HAUS2: variants seen among roughly 807,000 people sequenced by gnomAD.
The protein encoded by HAUS2 is HAUS augmin like complex subunit 2.
HAUS2 carries 20 observed loss-of-function variants against 21.6 expected under a neutral mutation model. That is an observed-to-expected ratio of 0.93 (90% confidence interval 0.65 to 1.35). HAUS2 has a LOEUF of 1.35. Among genes scored for constraint, HAUS2 ranks in the 40% most tolerant of loss-of-function variants. The pLI is 0.00. For synonymous variants in HAUS2, 113 were observed against 95.6 expected, an observed-to-expected ratio of 1.18 and a Z score of -1.06; for missense variants, 297 against 280.7, an observed-to-expected ratio of 1.06 and a Z score of -0.42.
In HAUS2 at chr15:42,549,077, T is replaced by C. The variant is rs1431194002; in HGVS notation, c.93+112T>C. The stretch of plus-strand genomic sequence containing the variant: ...TGGTGAGGGTCCTGGTTGGGGTCTG[T>C]ACTAGAGTAATAAGAGCCCCTTCCA... On this transcript the variant is annotated intron_variant, in intron 1 of 5. Coordinates refer to ENST00000260372, the MANE Select transcript of HAUS2 (RefSeq NM_018097.3). 11 of 669,718 alleles carry C rather than the reference T, an allele frequency of 1.6e-5. No homozygotes were observed. The East Asian group carries it at 3.1e-4, about 19-fold the overall frequency. 41.5% of individuals were successfully genotyped at this position (669,718 alleles called of 1,614,324 possible). A position where few individuals can be genotyped will look rare whatever the true frequency, so the allele number is the denominator to read the frequency against.
intron 3 of HAUS2, 90 bp downstream of exon 3, chr15:42,559,498 C>G: frequency 1.3e-6 from 1 of 752,302 alleles, no homozygotes. Flanking sequence ...AATTATGATA[C>G]ACCATCATTT....
chr15:42,556,257 C>G (rs2057773227), intron 1 of HAUS2, among the ~76,000 whole-genome samples: 1 of 133,490 alleles, frequency 7.5e-6, no homozygotes, highest in Non-Finnish European at 1.6e-5. Flanking sequence ...CCACTGCGCC[C>G]AGGCTTTTTT....
rs377333460 is a variant in HAUS2, at chr15:42,556,012, T to A, written c.94-2186T>A. Among the ~76,000 whole-genome samples, 315 of 152,232 alleles carry A rather than the reference T, an allele frequency of 2.1e-3. 2 individuals carry two copies. The South Asian group carries it at 0.022, about 11-fold the overall frequency. On this transcript the variant is annotated intron_variant, in intron 1 of 5. Coordinates refer to ENST00000260372, the MANE Select transcript of HAUS2 (RefSeq NM_018097.3). ...CCCAGGCTGGAGTGCAGTGGCGCGA[T>A]CTCGGCTCACTGCAACCTCTGCCTC...
rs2057853538 is a variant in HAUS2 at position 42,561,516 on chromosome 15, A to T, written c.389+114A>T. 3 of 698,710 alleles carry T rather than the reference A, an allele frequency of 4.3e-6. No individual in the cohort carries two copies. The South Asian group carries it at 5.2e-5, about 12-fold the overall frequency. The allele number at this position is 698,710 out of a possible 1,614,324, so 43.3% of individuals were successfully genotyped here. On this transcript the variant is annotated intron_variant, in intron 4 of 5. Coordinates refer to ENST00000260372, the MANE Select transcript of HAUS2 (RefSeq NM_018097.3). Reference sequence around the variant, plus strand: ...ACAATTAGTGATTGTATTTGTTAACATTATTAATGGTGATATATTAAATCA... The same window carrying T: ...ACAATTAGTGATTGTATTTGTTAACTTTATTAATGGTGATATATTAAATCA...
At chr15:42,550,781 G>C (rs999846485) in intron 1 of HAUS2, among the ~76,000 whole-genome samples, 2 of 151,848 alleles carry the variant, frequency 1.3e-5, no homozygotes, top group Non-Finnish European at 2.9e-5. Flanking sequence ...CCATTCTCCT[G>C]CCTCAGCCTC....
chr15:42,549,406 G>T (rs982387909), intron 1 of HAUS2, among the ~76,000 whole-genome samples: 1 of 151,740 alleles, frequency 6.6e-6, no homozygotes, highest in African/African-American at 2.4e-5. Flanking sequence ...AGAGAAGAGC[G>T]CCAGAAGCTC....
In HAUS2 at chr15:42,566,608, A is replaced by G. The variant is rs766998500; in HGVS notation, c.500A>G (p.Asn167Ser). 1 of 1,553,026 alleles carries G rather than the reference A, an allele frequency of 6.4e-7. No individual in the cohort carries two copies. Among genetic ancestry groups the G allele is most frequent in the Non-Finnish European group, 8.9e-7 (1 of 1,124,598 alleles). ...TGTTTCCCTTTTCAAATGTTACAGA[A>G]CCAGGCTTTAGCAAAGATGGATATA... ...PHLAANLKKM[N>S]QALAKMDILV... Residue 167 changes from asparagine to serine, a missense_variant and splice_region_variant, in exon 6 of 6, where the codon AAC (asparagine) becomes AGC (serine). Asn to Ser is a conservative substitution (Grantham distance 46, BLOSUM62 1). Coordinates refer to ENST00000260372, the MANE Select transcript of HAUS2 (RefSeq NM_018097.3).
chr15:42,561,078 T>G (rs1189814406), intron 3 of HAUS2, among the ~76,000 whole-genome samples, 192 bp from the exon 4 acceptor site: 3 of 152,178 alleles, frequency 2.0e-5, no homozygotes, highest in African/African-American at 7.2e-5. Flanking sequence ...ATATATTAGA[T>G]ATACAAAAAC....
At chr15:42,558,931 C>T (rs1420668951) in intron 2 of HAUS2, among the ~76,000 whole-genome samples, 3 of 151,972 alleles carry the variant, frequency 2.0e-5, no homozygotes, top group African/African-American at 7.2e-5. Context: ...GCACTCCAGC[C>T]TGGGTGACAG....
At chr15:42,563,527 G>A (rs1172010381) in intron 4 of HAUS2, among the ~76,000 whole-genome samples, 1 of 151,536 alleles carries the variant, frequency 6.6e-6, no homozygotes, top group African/African-American at 2.4e-5. Context: ...GATTACTGTT[G>A]TCTCTTTCCA....
At chr15:42,563,704 CAATT>C (rs1246202126) in intron 4 of HAUS2, 41 bp from the exon 5 acceptor site, 4 of 942,568 alleles carry the variant, frequency 4.2e-6, no homozygotes, top group Non-Finnish European at 5.2e-6. Context: ...GAACGTAAAA[CAATT>C]AAACTTTAAA....
intron 1 of HAUS2, among the ~76,000 whole-genome samples, chr15:42,549,892 G>A (rs1360709837): frequency 1.3e-5 from 2 of 151,890 alleles, no homozygotes; most frequent in Non-Finnish European, 2.9e-5. Context: ...CGGAGTGGCA[G>A]TTTTAGGTTG....
At chr15:42,560,986 C>A in intron 3 of HAUS2, 1 of 589,020 alleles carries the variant, frequency 1.7e-6, no homozygotes, top group Non-Finnish European at 3.0e-6. Context: ...GCTATAAGAA[C>A]TGAATAAGAA....
At chr15:42,565,387 ATGTGTG>A (rs139933934) in intron 5 of HAUS2, among the ~76,000 whole-genome samples, 1,933 of 136,470 alleles carry the variant, frequency 0.014, 30 homozygotes, top group African/African-American at 0.043. Context: ...GAGCCATTGA[ATGTGTG>A]TGTGTGTGTG....
Position 42,558,430 on chromosome 15 carries a change from CCGT to C in HAUS2, c.186+141_186+143del, listed in dbSNP as rs1236273441. 3 of 531,950 alleles carry C rather than the reference CCGT, an allele frequency of 5.6e-6. No homozygotes were observed. The African/African-American group carries it at 6.0e-5, about 11-fold the overall frequency. The allele number at this position is 531,950 out of a possible 1,614,324, so 33.0% of individuals were successfully genotyped here. ...GCAAACTCCGCCTCCCAGGTTCACG[CCGT>C]TCTTCTGCCTCAGCCTCATGAGTAG... On this transcript the variant is annotated intron_variant, in intron 2 of 5. Coordinates refer to ENST00000260372, the MANE Select transcript of HAUS2 (RefSeq NM_018097.3).
At chr15:42,556,688 C>A (rs982266925) in intron 1 of HAUS2, among the ~76,000 whole-genome samples, 2 of 152,026 alleles carry the variant, frequency 1.3e-5, no homozygotes, top group African/African-American at 4.8e-5. Context: ...TATAGTTTTC[C>A]AGTCCCTGGC....
intron 1 of HAUS2, among the ~76,000 whole-genome samples, chr15:42,556,791 G>C (rs563556437): frequency 6.7e-6 from 1 of 149,808 alleles, no homozygotes; most frequent in South Asian, 2.1e-4. Flanking sequence ...GATCACCTGA[G>C]GTCAGCAGTT....
intron 1 of HAUS2, among the ~76,000 whole-genome samples, chr15:42,554,750 A>G (rs963455088): frequency 9.2e-5 from 14 of 151,670 alleles, no homozygotes; most frequent in African/African-American, 3.4e-4. Flanking sequence ...TCGGCCTCCC[A>G]AAGTGCTGGG....
chr15:42,560,066 G>T (rs925721304), intron 3 of HAUS2, among the ~76,000 whole-genome samples: 1 of 152,112 alleles, frequency 6.6e-6, no homozygotes, highest in Non-Finnish European at 1.5e-5. Context: ...GAGGCAGAAG[G>T]ATTGTTTGAG....
Sources: gnomAD v4.1 joint callset for allele counts (sites outside exome capture counted in the v4.1 genomes callset) on GRCh38, gnomAD v4.1.1 for gene constraint, MANE v1.5 for transcripts, NCBI Gene and HGNC (gene_info 2026-07-23, HGNC 2026-07-21) for gene names.